The following CUX1 variants were observed in gnomAD, a reference collection of about 807,000 sequenced individuals.
CUX1 encodes protein CASP.
CUX1 carries 31 observed loss-of-function variants against 158.8 expected under a neutral mutation model. The observed-to-expected ratio is 0.20, with a 90% confidence interval of 0.15 to 0.26. The LOEUF (loss-of-function observed/expected upper bound fraction) is 0.26, where lower values mean the gene tolerates loss of function less well. Ranked by LOEUF, CUX1 falls within the 10% of genes least tolerant of loss-of-function variation. The pLI is 1.00. For synonymous variants in CUX1, 879 were observed against 862.1 expected (o/e 1.02, Z -0.34); for missense variants, 1,589 against 2,014.6 (o/e 0.79, Z 4.04).
At chr7:101,919,972 G>C (rs931721228) in intron 2 of CUX1, among the ~76,000 whole-genome samples, 3 of 152,198 alleles carry the variant, frequency 2.0e-5, no homozygotes, top group African/African-American at 7.2e-5. Context: ...CTGTCACCCA[G>C]GCTGGAGCGC....
Position 102,251,327 on chromosome 7 carries a change from C to G in CUX1, c.*2285C>G. 2.0e-6 allele frequency: 2 copies of G among 985,190 alleles called. No individual in the cohort carries two copies. The highest frequency in any genetic ancestry group is 2.4e-6 in the Non-Finnish European group (2 of 829,912). The allele number at this position is 985,190 out of a possible 1,614,324, so 61.0% of individuals were successfully genotyped here. A position where few individuals can be genotyped will look rare whatever the true frequency, so the allele number is the denominator to read the frequency against. On this transcript the variant is annotated 3_prime_UTR_variant, in exon 24 of 24. Transcript: ENST00000292535. The stretch of plus-strand genomic sequence containing the variant: ...TGTGCTTGTTAATTAACTTGTAGGA[C>G]TTTGACTGTAAGATGTGAAACCACG...
intron 3 of CUX1, among the ~76,000 whole-genome samples, chr7:102,055,381 C>T (rs1241078601): frequency 1.3e-5 from 2 of 152,144 alleles, no homozygotes; most frequent in Admixed American, 6.6e-5. Flanking sequence ...ACAAGTGTGT[C>T]AGCATTATTT....
At position 101,869,706 on chromosome 7, in the gene CUX1, G is replaced by T. The variant is rs1433162508; in HGVS notation, c.31-46409G>T. On this transcript the variant is annotated intron_variant, in intron 1 of 23. Transcript: ENST00000292535. This position sits in a 1 kb window ranked among gnomAD's most constrained non-coding sequence, Gnocchi z 4.5. Reference sequence around the variant, plus strand: ...ATGGAAGACGGCAGGACACACGTGCGAGCCACAGCAGGTGGGCGGGAGCTC... The same window carrying T: ...ATGGAAGACGGCAGGACACACGTGCTAGCCACAGCAGGTGGGCGGGAGCTC... Among the ~76,000 whole-genome samples the T allele has an allele frequency of 6.6e-6, 1 of 152,154 alleles. No individual in the cohort carries two copies. The highest frequency in any genetic ancestry group is 1.5e-5 in the Non-Finnish European group (1 of 68,014).
chr7:102,222,837 T>TTTTGAAA (rs1797954751), intron 20 of CUX1, among the ~76,000 whole-genome samples: 1 of 71,422 alleles, frequency 1.4e-5, no homozygotes, highest in Non-Finnish European at 3.0e-5. Context: ...TTTTTTTTTT[T>TTTTGAAA]GAGACAGAGT....
chr7:102,239,526 C>A lies in CUX1; in HGVS notation c.3829C>A (p.Leu1277Ile). 1 of 1,614,156 alleles carries A rather than the reference C, an allele frequency of 6.2e-7. No homozygotes were observed. The highest frequency in any genetic ancestry group is 8.5e-7 in the Non-Finnish European group (1 of 1,179,986). ...CCCGTCACCAAAAACCATCGAAGACCTCGCCACCCAGCTCAACCTGAAAAC... is the reference window on the plus strand; with the variant it reads ...CCCGTCACCAAAAACCATCGAAGACATCGCCACCCAGCTCAACCTGAAAAC... ...PYPSPKTIED[L>I]ATQLNLKTST... The change falls in exon 23 of 24, where the codon CTC becomes ATC. Residue 1277 changes from leucine to isoleucine, a missense_variant. Coordinates refer to ENST00000292535, the MANE Select transcript of CUX1 (RefSeq NM_181552.4).
At chr7:102,263,227 C>T (rs1790544434), downstream of CUX1, among the ~76,000 whole-genome samples, 1 of 149,332 alleles carries the variant, frequency 6.7e-6, no homozygotes, top group Non-Finnish European at 1.5e-5. Flanking sequence ...ATTGGCCAGG[C>T]TGGTCTCAAA....
chr7:101,914,652 C>T (rs553668295), intron 1 of CUX1, among the ~76,000 whole-genome samples: 5 of 151,998 alleles, frequency 3.3e-5, no homozygotes, highest in African/African-American at 1.2e-4. Context: ...GAGCCCACCA[C>T]CATGCCTGGC....
chr7:101,945,501 G>A (rs1384220532), intron 2 of CUX1, among the ~76,000 whole-genome samples: 1 of 152,110 alleles, frequency 6.6e-6, no homozygotes, highest in Non-Finnish European at 1.5e-5. Flanking sequence ...CTTGTGTATC[G>A]AGTGTTCTCA....
intron 3 of CUX1, among the ~76,000 whole-genome samples, chr7:102,029,860 C>T (rs1401573883): frequency 6.6e-6 from 1 of 152,224 alleles, no homozygotes; most frequent in Non-Finnish European, 1.5e-5. Context: ...GTTCTGTTAC[C>T]TGTCCAGCGG....
At chr7:102,126,139 G>A (rs543966626) in intron 8 of CUX1, among the ~76,000 whole-genome samples, 3 of 151,692 alleles carry the variant, frequency 2.0e-5, no homozygotes, top group East Asian at 1.9e-4. Flanking sequence ...TCAGCCTCCC[G>A]AGTACCTGGG....
intron 17 of CUX1, among the ~76,000 whole-genome samples, chr7:102,277,540 G>A (rs1215818843): frequency 5.3e-5 from 8 of 151,916 alleles, no homozygotes; most frequent in Non-Finnish European, 4.4e-5. Context: ...AGGTTGCAGT[G>A]AGCCGAGATT....
intron 11 of CUX1, among the ~76,000 whole-genome samples, chr7:102,183,926 C>A (rs1793383375): frequency 1.3e-5 from 2 of 152,202 alleles, no homozygotes; most frequent in African/African-American, 4.8e-5. Context: ...GAGACAGGGT[C>A]TCACTCTGTT....
chr7:102,237,512 G>C (rs1260886841), intron 22 of CUX1, among the ~76,000 whole-genome samples: 2 of 152,042 alleles, frequency 1.3e-5, no homozygotes, highest in Non-Finnish European at 2.9e-5. Flanking sequence ...AAACTCCTAG[G>C]CTCGAGCAAT....
chr7:102,202,377 G>A (rs1795542137), intron 18 of CUX1, among the ~76,000 whole-genome samples, 173 bp downstream of exon 18: 2 of 152,134 alleles, frequency 1.3e-5, no homozygotes, highest in African/African-American at 4.8e-5. Context: ...TTGCAGCCCC[G>A]ATCCCATTTG....
At chr7:102,028,877 T>C (rs17134999) in intron 3 of CUX1, among the ~76,000 whole-genome samples, 54,913 of 151,998 alleles carry the variant, frequency 0.36, 11,315 homozygotes, top group East Asian at 0.96. Context: ...CTCACCTCTT[T>C]AGCTTCTCCC....
chr7:101,930,290 G>C (rs1806142208), intron 2 of CUX1, among the ~76,000 whole-genome samples: 1 of 152,186 alleles, frequency 6.6e-6, no homozygotes, highest in South Asian at 2.1e-4. Flanking sequence ...AGGGTACTTA[G>C]GAAGGAACAT....
intron 2 of CUX1, among the ~76,000 whole-genome samples, chr7:101,989,527 C>T (rs866522811): frequency 3.3e-5 from 5 of 152,206 alleles, no homozygotes; most frequent in South Asian, 2.1e-4. Context: ...CGTTCTGTTG[C>T]TTCACTGTGC....
intron 2 of CUX1, among the ~76,000 whole-genome samples, chr7:101,918,750 G>A (rs945211614): frequency 3.3e-5 from 5 of 152,242 alleles, no homozygotes. Flanking sequence ...AGCAGCCAGA[G>A]CTTCCTGCTG....
At chr7:102,181,672 CAT>C (rs1793100722) in intron 11 of CUX1, among the ~76,000 whole-genome samples, 1 of 152,192 alleles carries the variant, frequency 6.6e-6, no homozygotes, top group Admixed American at 6.5e-5. Context: ...ATAATCAAAA[CAT>C]ATCTTCTAGT....
Sources: allele counts gnomAD v4.1 joint callset (sites outside exome capture counted in the v4.1 genomes callset), GRCh38; gene constraint gnomAD v4.1.1; non-coding constraint Gnocchi (gnomAD v3.1); transcripts MANE v1.5; gene names NCBI Gene and HGNC (gene_info 2026-07-23, HGNC 2026-07-21).